Variants in MGAT4C observed in about 807,000 individuals in gnomAD.
MGAT4C encodes MGAT4 family member C, also known as alpha-1,3-mannosyl-glycoprotein 4-beta-N-acetylglucosaminyltransferase C.
Under a neutral mutation model 40.1 loss-of-function variants are expected in MGAT4C, and 19 were observed. The ratio of observed to expected loss-of-function variants is 0.47; its 90% CI spans 0.33 to 0.70. The LOEUF is 0.70. Ranked by LOEUF, MGAT4C falls within the 30% of genes least tolerant of loss-of-function variation. MGAT4C has a pLI of 0.02. For synonymous variants in MGAT4C, 181 were observed against 187.1 expected, an observed-to-expected ratio of 0.97 and a Z score of 0.27; for missense variants, 491 against 563.2, an observed-to-expected ratio of 0.87 and a Z score of 1.30.
In MGAT4C at chr12:86,346,451, C is replaced by A. The variant is rs144292651; in HGVS notation, c.-119-12324G>T. Among the ~76,000 whole-genome samples, 176 of 152,276 alleles carry A rather than the reference C, an allele frequency of 1.2e-3. 2 individuals are homozygous for A. In the East Asian group the frequency reaches 0.024, roughly 21 times the overall value. On this transcript the variant is annotated intron_variant, in intron 3 of 7. Coordinates refer to the MGAT4C transcript ENST00000548651. ...TGTTGGCCAGGCTGGTCTCGAACTC[C>A]TGACCTCAAGTGATCTGCCCACCTC...
intron 1 of MGAT4C, among the ~76,000 whole-genome samples, chr12:86,098,014 C>T (rs918872136): frequency 6.6e-6 from 1 of 151,650 alleles, no homozygotes; most frequent in Non-Finnish European, 1.5e-5. Flanking sequence ...GCCTGAATTA[C>T]ATTTAGTATC....
intron 1 of MGAT4C, among the ~76,000 whole-genome samples, chr12:86,746,133 T>C (rs1951148231): frequency 6.6e-6 from 1 of 151,714 alleles, no homozygotes. Context: ...GCTAAATCTC[T>C]CTTGCTCTCT....
At chr12:86,133,054 T>G (rs1338370627) in intron 1 of MGAT4C, among the ~76,000 whole-genome samples, 1 of 152,186 alleles carries the variant, frequency 6.6e-6, no homozygotes, top group Non-Finnish European at 1.5e-5. Flanking sequence ...ATTTGAGACT[T>G]AAGTATTTTC....
rs566831735 is a variant in MGAT4C at position 85,963,697 on chromosome 12, C to T, written c.*15592G>A. On this transcript the variant is annotated 3_prime_UTR_variant, in exon 5 of 5. Transcript: ENST00000611864. ...TGAGGCTCAAGGTTGTTTAATGGCA[C>T]AGATAATATAATTCAAATCATGACC... The T allele has an allele frequency of 1.2e-4, 18 of 151,860 alleles. No individual in the cohort carries two copies. The highest frequency in any genetic ancestry group is 5.9e-5 in the Non-Finnish European group (4 of 67,900). 9.4% of individuals were successfully genotyped at this position (151,860 alleles called of 1,614,324 possible).
chr12:86,788,541 C>T (rs979927744), intron 1 of MGAT4C, among the ~76,000 whole-genome samples: 8 of 152,024 alleles, frequency 5.3e-5, no homozygotes, highest in Non-Finnish European at 1.0e-4. Flanking sequence ...CTAGGAGTTG[C>T]CATGGATCCT....
intron 2 of MGAT4C, among the ~76,000 whole-genome samples, chr12:86,502,496 T>C (rs1958365515): frequency 6.6e-6 from 1 of 151,864 alleles, no homozygotes; most frequent in African/African-American, 2.4e-5. Context: ...CAAAGTTAAC[T>C]GTGGACTTTG....
intron 4 of MGAT4C, among the ~76,000 whole-genome samples, chr12:86,272,379 T>C (rs1347846595): frequency 6.6e-6 from 1 of 152,198 alleles, no homozygotes; most frequent in Non-Finnish European, 1.5e-5. Flanking sequence ...TTTGAGCCTA[T>C]GCGTTCAATT....
intron 2 of MGAT4C, among the ~76,000 whole-genome samples, chr12:86,656,077 G>C (rs1373616491): frequency 6.6e-6 from 1 of 151,966 alleles, no homozygotes; most frequent in Admixed American, 6.6e-5. Context: ...CTCATAAGTA[G>C]AGCTTCAGTA....
At chr12:86,835,817 C>T (rs1166333742) in intron 1 of MGAT4C, among the ~76,000 whole-genome samples, 1 of 151,626 alleles carries the variant, frequency 6.6e-6, no homozygotes, top group Non-Finnish European at 1.5e-5. Flanking sequence ...GCAAAATAGA[C>T]ATGTGATAAT....
At chr12:86,380,116 T>C (rs1443991080) in intron 3 of MGAT4C, among the ~76,000 whole-genome samples, 2 of 152,110 alleles carry the variant, frequency 1.3e-5, no homozygotes, top group African/African-American at 4.8e-5. Context: ...TATGATAACA[T>C]TGACTAATGT....
At chr12:86,036,144 C>T (rs1012815722) in intron 2 of MGAT4C, among the ~76,000 whole-genome samples, 8 of 149,728 alleles carry the variant, frequency 5.3e-5, no homozygotes, top group African/African-American at 1.2e-4. Context: ...GGGATAGCAT[C>T]GAATCTATAA....
chr12:86,268,666 T>TATATATATATATACATATATATACAC (rs1952851378), intron 4 of MGAT4C, among the ~76,000 whole-genome samples: 2 of 125,576 alleles, frequency 1.6e-5, no homozygotes, highest in Non-Finnish European at 3.7e-5. Context: ...ATTAACTACA[T>TATATATATATATACATATATATACAC]ATATATATAT....
chr12:86,643,684 G>A (rs934424972), intron 2 of MGAT4C, among the ~76,000 whole-genome samples: 5 of 151,812 alleles, frequency 3.3e-5, no homozygotes, highest in African/African-American at 1.2e-4. Flanking sequence ...AGGCCTGGAG[G>A]GGAAAATGAG....
intron 1 of MGAT4C, among the ~76,000 whole-genome samples, chr12:86,788,138 A>AT (rs1491459941): frequency 1.2e-4 from 18 of 150,326 alleles, no homozygotes; most frequent in Admixed American, 6.7e-4. Flanking sequence ...ATATATATAT[A>AT]ACACCCACAT....
chr12:86,488,154 G>A (rs1386454122), intron 2 of MGAT4C, among the ~76,000 whole-genome samples: 1 of 151,838 alleles, frequency 6.6e-6, no homozygotes, highest in East Asian at 1.9e-4. Flanking sequence ...GGAGGCTGAA[G>A]TGAGAGGATA....
At chr12:86,502,113 C>G (rs1384352173) in intron 2 of MGAT4C, among the ~76,000 whole-genome samples, 1 of 151,944 alleles carries the variant, frequency 6.6e-6, no homozygotes, top group African/African-American at 2.4e-5. Context: ...AATGAACAGT[C>G]TGTGTATCAT....
intron 1 of MGAT4C, among the ~76,000 whole-genome samples, chr12:86,818,998 A>C (rs1179953567): frequency 6.6e-6 from 1 of 151,030 alleles, no homozygotes; most frequent in African/African-American, 2.4e-5. Context: ...AAAGTCAGAG[A>C]TGGGAATATA....
intron 2 of MGAT4C, among the ~76,000 whole-genome samples, chr12:86,622,163 A>T (rs1962659612): frequency 6.6e-6 from 1 of 152,128 alleles, no homozygotes; most frequent in Non-Finnish European, 1.5e-5. Flanking sequence ...ACGTAATTTT[A>T]TTGGTAAATG....
chr12:86,592,283 A>G (rs963113143), intron 2 of MGAT4C, among the ~76,000 whole-genome samples: 3 of 152,140 alleles, frequency 2.0e-5, no homozygotes, highest in Non-Finnish European at 4.4e-5. Flanking sequence ...TATTTTGATT[A>G]GAAGACATGA....
Sources: allele counts gnomAD v4.1 joint callset (sites outside exome capture counted in the v4.1 genomes callset), GRCh38; gene constraint gnomAD v4.1.1; transcripts MANE v1.5; gene names NCBI Gene and HGNC (gene_info 2026-07-23, HGNC 2026-07-21).